CPQ: variants seen among roughly 807,000 people sequenced by gnomAD.
CPQ encodes the protein carboxypeptidase Q.
In CPQ, 37 loss-of-function variants were observed where a neutral mutation model predicts 45.7. The observed-to-expected ratio is 0.81, with a 90% CI of 0.62 to 1.07. CPQ has a LOEUF of 1.07. CPQ is among the 50% of genes least tolerant of loss of function. The probability of loss-of-function intolerance (pLI) is 0.00; values close to 1 mark genes in which losing one functional copy is unlikely to be tolerated. For missense variants in CPQ, 537 were observed against 572.9 expected (o/e 0.94, Z 0.64); for synonymous variants, 186 against 205.8 (o/e 0.90, Z 0.82).
chr8:96,794,519 C>T (rs1446062598), intron 2 of CPQ, among the ~76,000 whole-genome samples: 1 of 152,232 alleles, frequency 6.6e-6, no homozygotes, highest in Admixed American at 6.5e-5. Flanking sequence ...AGACCTCTGA[C>T]ATGCCCTGGA....
intron 2 of CPQ, among the ~76,000 whole-genome samples, chr8:96,788,601 ATATATATCT>A (rs1025265365): frequency 6.6e-6 from 1 of 151,970 alleles, no homozygotes; most frequent in Non-Finnish European, 1.5e-5. Context: ...GTATCTAGGT[ATATATATCT>A]TTATTCTCAT....
At chr8:96,929,060 A>G (rs927904526) in intron 4 of CPQ, among the ~76,000 whole-genome samples, 8 of 152,210 alleles carry the variant, frequency 5.3e-5, no homozygotes, top group Non-Finnish European at 1.2e-4. Context: ...ATGACTTTCT[A>G]ATGAACTGTT....
intron 7 of CPQ, among the ~76,000 whole-genome samples, chr8:97,136,491 T>C (rs1812061408): frequency 6.6e-6 from 1 of 152,206 alleles, no homozygotes; most frequent in African/African-American, 2.4e-5. Flanking sequence ...TGTTTGCTGA[T>C]TGAGGAAACT....
chr8:97,102,177 GA>G, intron 7 of CPQ, among the ~76,000 whole-genome samples: 1 of 151,938 alleles, frequency 6.6e-6, no homozygotes, highest in Non-Finnish European at 1.5e-5. Flanking sequence ...CACTCAAACT[GA>G]AAAAAAGGAA....
At chr8:97,041,236 C>T (rs552715818) in intron 6 of CPQ, among the ~76,000 whole-genome samples, 159 of 152,224 alleles carry the variant, frequency 1.0e-3, no homozygotes, top group African/African-American at 3.7e-3. Context: ...ATTTTATTCT[C>T]TTTAAAGCAA....
intron 1 of CPQ, among the ~76,000 whole-genome samples, chr8:96,718,943 G>A (rs893800552): frequency 1.3e-5 from 2 of 152,204 alleles, no homozygotes; most frequent in South Asian, 2.1e-4. Flanking sequence ...ACAGAGTGCC[G>A]ATTGCTGTAT....
chr8:96,823,131 T>C (rs1811332979), intron 2 of CPQ, among the ~76,000 whole-genome samples: 1 of 151,854 alleles, frequency 6.6e-6, no homozygotes, highest in Non-Finnish European at 1.5e-5. Flanking sequence ...TTAAGTAACA[T>C]GGCCACATCT....
At chr8:97,142,955 G>A (rs899817808) in intron 7 of CPQ, 65 bp from the exon 8 acceptor site, 4 of 1,493,352 alleles carry the variant, frequency 2.7e-6, no homozygotes, top group Non-Finnish European at 9.2e-7. Flanking sequence ...TGAAGGGGGA[G>A]AGGTGTGTAT....
chr8:96,773,218 ATAAATATTAATAGATATTGTGC>A lies in CPQ; in HGVS notation c.-34-11643_-34-11622del, dbSNP rs149882208. On this transcript the variant is annotated intron_variant, in intron 1 of 7. Transcript: ENST00000220763. ...TTTGATGAATTTATTCATGTATTCT[ATAAATATTAATAGATATTGTGC>A]TATTTGTTTAATATGCAAAGACAAA... 4.1e-3 allele frequency among the ~76,000 whole-genome samples: 626 copies of A among 152,340 alleles called. 3 individuals carry two copies. Among genetic ancestry groups the A allele is most frequent in the African/African-American group, 0.015 (608 of 41,580 alleles).
At chr8:96,676,878 T>A (rs1013047293) in intron 1 of CPQ, among the ~76,000 whole-genome samples, 1 of 152,130 alleles carries the variant, frequency 6.6e-6, no homozygotes, top group South Asian at 2.1e-4. Context: ...TTCTTATGCC[T>A]TTGCATCCTC....
At chr8:96,754,852 T>G (rs1168071676) in intron 1 of CPQ, among the ~76,000 whole-genome samples, 1 of 151,990 alleles carries the variant, frequency 6.6e-6, no homozygotes, top group Non-Finnish European at 1.5e-5. Flanking sequence ...CCCTTTTTCT[T>G]ATTCTGTATC....
In CPQ at chr8:97,112,915, A is replaced by C. The variant is rs191192671; in HGVS notation, c.1256-30105A>C. On this transcript the variant is annotated intron_variant, in intron 7 of 7. Coordinates refer to ENST00000220763, the MANE Select transcript of CPQ (RefSeq NM_016134.4). ...AGAAGTTGGGAAGACTAGAAGCTGCAGATCTAGGGACAGAGGGAAGCCATT... is the reference window on the plus strand; with the variant it reads ...AGAAGTTGGGAAGACTAGAAGCTGCCGATCTAGGGACAGAGGGAAGCCATT... 1.3e-4 allele frequency among the ~76,000 whole-genome samples: 20 copies of C among 152,360 alleles called. No homozygotes were observed. The East Asian group carries it at 3.5e-3, about 26-fold the overall frequency.
intron 6 of CPQ, among the ~76,000 whole-genome samples, chr8:97,055,352 GC>G (rs1347861925): frequency 1.3e-5 from 2 of 152,164 alleles, no homozygotes; most frequent in Non-Finnish European, 2.9e-5. Flanking sequence ...CAATAAGTCA[GC>G]TGATGTAATT....
chr8:96,813,281 G>A (rs1811182971), intron 2 of CPQ, among the ~76,000 whole-genome samples: 1 of 152,142 alleles, frequency 6.6e-6, no homozygotes, highest in Admixed American at 6.6e-5. Flanking sequence ...GCTGGGAGGG[G>A]TGAGGCCTGG....
At chr8:96,664,854 G>A (rs2455051) in intron 1 of CPQ, among the ~76,000 whole-genome samples, 112,593 of 152,068 alleles carry the variant, frequency 0.74, 41,799 homozygotes, top group Middle Eastern at 0.83. Flanking sequence ...CCATTGTACC[G>A]CACACATGCT....
At chr8:96,693,122 G>A (rs1373363018) in intron 1 of CPQ, among the ~76,000 whole-genome samples, 1 of 151,966 alleles carries the variant, frequency 6.6e-6, no homozygotes, top group East Asian at 1.9e-4. Context: ...TTGAAGACAG[G>A]CATTTTGAAA....
At position 96,645,391 on chromosome 8, in the gene CPQ, C is replaced by G. The variant is rs1815505824; in HGVS notation, c.-46C>G. 6.5e-6 allele frequency: 1 copy of G among 152,832 alleles called. No homozygotes were observed. The highest frequency in any genetic ancestry group is 2.4e-5 in the African/African-American group (1 of 41,476). 9.5% of individuals were successfully genotyped at this position (152,832 alleles called of 1,614,324 possible). On this transcript the variant is annotated 5_prime_UTR_variant, in exon 1 of 8. Coordinates refer to ENST00000220763, the MANE Select transcript of CPQ (RefSeq NM_016134.4). Reference sequence around the variant, plus strand: ...GCCGCCTCCGTCGCCGCCGTCAGAGCCGCCCTATCAGGTGTGTTTGCAGCC... The same window carrying G: ...GCCGCCTCCGTCGCCGCCGTCAGAGGCGCCCTATCAGGTGTGTTTGCAGCC...
At chr8:97,118,186 G>A (rs998005401) in intron 7 of CPQ, among the ~76,000 whole-genome samples, 1 of 152,154 alleles carries the variant, frequency 6.6e-6, no homozygotes, top group African/African-American at 2.4e-5. Flanking sequence ...ATAATGTAAG[G>A]AAGTTGAAAG....
chr8:97,127,362 A>T (rs1428320657), intron 7 of CPQ, among the ~76,000 whole-genome samples: 1 of 152,206 alleles, frequency 6.6e-6, no homozygotes, highest in African/African-American at 2.4e-5. Flanking sequence ...ACCAATCCCC[A>T]GTAAGTACAT....
Sources: allele counts gnomAD v4.1 joint callset (sites outside exome capture counted in the v4.1 genomes callset), GRCh38; gene constraint gnomAD v4.1.1; transcripts MANE v1.5; gene names NCBI Gene and HGNC (gene_info 2026-07-23, HGNC 2026-07-21).